TIAM2: variants seen among roughly 807,000 people sequenced by gnomAD.
TIAM2 encodes the protein rho guanine nucleotide exchange factor TIAM2.
A neutral mutation model predicts 152.9 loss-of-function variants in TIAM2; 80 were observed. That is an observed-to-expected ratio of 0.52 (90% CI 0.44 to 0.63). The LOEUF is 0.63. Among genes scored for constraint, TIAM2 ranks in the 30% least tolerant of loss-of-function variants. The pLI is 0.00. For missense variants in TIAM2, 1,965 were observed against 2,120.1 expected (o/e 0.93, Z 1.44); for synonymous variants, 804 against 838.0 (o/e 0.96, Z 0.70).
chr6:155,092,214 C>T (rs1778322740), intron 2 of TIAM2, among the ~76,000 whole-genome samples: 1 of 149,386 alleles, frequency 6.7e-6, no homozygotes, highest in Non-Finnish European at 1.5e-5. Context: ...CCTCCCACCT[C>T]AGCCTCCTGA....
Position 155,125,656 on chromosome 6 carries a change from C to T in TIAM2, c.-117-1834C>T, listed in dbSNP as rs140446849. Among the ~76,000 whole-genome samples the T allele has an allele frequency of 1.1e-3, 171 of 152,156 alleles. 2 individuals carry two copies. In the East Asian group the frequency reaches 0.031, roughly 27 times the overall value. On this transcript the variant is annotated intron_variant, in intron 2 of 26. Coordinates refer to ENST00000682666, the MANE Select transcript of TIAM2 (RefSeq NM_012454.4). ...AAGTTCGAGACCAGCCTGGCCAACA[C>T]GGTGAAGCCCTGTCTCTACTAAAAT...
chr6:154,996,335 A>AT (rs1482888098), intron 1 of TIAM2, among the ~76,000 whole-genome samples: 1 of 152,200 alleles, frequency 6.6e-6, no homozygotes, highest in Admixed American at 6.5e-5. Context: ...AGGCTGCTTG[A>AT]TTCCAAAGAT....
At chr6:155,092,565 T>G (rs982434967) in intron 2 of TIAM2, among the ~76,000 whole-genome samples, 3 of 152,076 alleles carry the variant, frequency 2.0e-5, no homozygotes, top group African/African-American at 7.2e-5. Flanking sequence ...AATATACAAA[T>G]TAGGTTTAAA....
rs537984882 is a variant in TIAM2 at position 155,179,310 on chromosome 6, T to C, written c.2629-68T>C. ...AGCTTTCTTGTTTTATGAAAAATAG[T>C]GTCAAAGTAATTTTTTGAGGTATCA... On this transcript the variant is annotated intron_variant, in intron 11 of 26. Coordinates refer to ENST00000682666, the MANE Select transcript of TIAM2 (RefSeq NM_012454.4). 1.1e-4 allele frequency: 172 copies of C among 1,532,890 alleles called. No individual in the cohort carries two copies. In the African/African-American group the frequency reaches 2.2e-3, roughly 20 times the overall value. 95.0% of individuals were successfully genotyped at this position (1,532,890 alleles called of 1,614,324 possible). A position where few individuals can be genotyped will look rare whatever the true frequency, so the allele number is the denominator to read the frequency against.
chr6:155,246,652 T>C (rs1232376594), intron 19 of TIAM2, among the ~76,000 whole-genome samples: 3 of 152,090 alleles, frequency 2.0e-5, no homozygotes, highest in African/African-American at 7.2e-5. Flanking sequence ...CACCTTTGTA[T>C]TGACAGTCTG....
At chr6:155,247,473 C>T (rs112783676) in intron 19 of TIAM2, among the ~76,000 whole-genome samples, 1 of 152,008 alleles carries the variant, frequency 6.6e-6, no homozygotes, top group Non-Finnish European at 1.5e-5. Flanking sequence ...GGATTAGAGG[C>T]GCCCACCACC....
At chr6:155,216,719 C>A in intron 15 of TIAM2, 1 of 219,436 alleles carries the variant, frequency 4.6e-6, no homozygotes, top group Non-Finnish European at 9.0e-6. Context: ...TCCCCACAGA[C>A]ATGCTGCCTG....
chr6:155,028,590 AATAT>A (rs1180353462), intron 1 of TIAM2, among the ~76,000 whole-genome samples: 1 of 134,598 alleles, frequency 7.4e-6, no homozygotes, highest in African/African-American at 2.8e-5. Flanking sequence ...TACTACATAT[AATAT>A]ATATACTGTG....
chr6:155,254,275 G>T, intron 25 of TIAM2, 144 bp from the exon 26 acceptor site: 1 of 1,104,496 alleles, frequency 9.1e-7, no homozygotes, highest in East Asian at 2.5e-5. Flanking sequence ...CCTTCTGTAC[G>T]GGAGGCCACA....
chr6:155,012,456 C>T (rs531708400), intron 1 of TIAM2, among the ~76,000 whole-genome samples: 10 of 152,292 alleles, frequency 6.6e-5, no homozygotes, highest in Admixed American at 2.0e-4. Context: ...AACCAACTTA[C>T]CAAACCCCAT....
intron 1 of TIAM2, among the ~76,000 whole-genome samples, chr6:155,004,228 T>C (rs921269434): frequency 3.9e-5 from 6 of 152,068 alleles, no homozygotes; most frequent in African/African-American, 1.4e-4. Context: ...CAAGACAAGA[T>C]GTTTGATTGG....
chr6:155,083,275 G>T (rs1778108465), intron 1 of TIAM2, among the ~76,000 whole-genome samples: 1 of 151,444 alleles, frequency 6.6e-6, no homozygotes, highest in African/African-American at 2.4e-5. Flanking sequence ...CTTGAACCCT[G>T]GAGGCAGAGG....
intron 14 of TIAM2, among the ~76,000 whole-genome samples, chr6:155,205,307 C>G (rs1781572459): frequency 6.8e-6 from 1 of 146,068 alleles, no homozygotes; most frequent in Non-Finnish European, 1.5e-5. Context: ...GGATTAATAT[C>G]ATGTTGAAAT....
intron 2 of TIAM2, among the ~76,000 whole-genome samples, chr6:155,099,038 T>C (rs1168979042): frequency 6.6e-6 from 1 of 152,024 alleles, no homozygotes; most frequent in Non-Finnish European, 1.5e-5. Context: ...AAATACAAAA[T>C]TAGTCGGGCG....
intron 6 of TIAM2, 107 bp downstream of exon 6, chr6:155,144,885 G>T: frequency 7.5e-7 from 1 of 1,332,620 alleles, no homozygotes; most frequent in Non-Finnish European, 1.0e-6. Context: ...TACTTAGTTA[G>T]GCTTTGGATT....
intron 7 of TIAM2, among the ~76,000 whole-genome samples, chr6:155,164,203 G>T (rs945883868): frequency 7.2e-6 from 1 of 138,388 alleles, no homozygotes; most frequent in Admixed American, 8.7e-5. Flanking sequence ...TCAAATGCCT[G>T]ACCTTCAGTG....
intron 1 of TIAM2, among the ~76,000 whole-genome samples, chr6:155,029,756 A>G (rs912066489): frequency 1.4e-5 from 2 of 144,918 alleles, no homozygotes; most frequent in Admixed American, 7.3e-5. Context: ...ATATATATAT[A>G]TGTAGAAAAA....
intron 1 of TIAM2, among the ~76,000 whole-genome samples, chr6:155,076,638 G>A (rs1777966213): frequency 6.6e-6 from 1 of 152,106 alleles, no homozygotes; most frequent in African/African-American, 2.4e-5. Flanking sequence ...TATAACGTAG[G>A]TCAAACCCTT....
intron 7 of TIAM2, among the ~76,000 whole-genome samples, chr6:155,161,780 G>A (rs1780279337): frequency 1.3e-5 from 2 of 150,786 alleles, no homozygotes; most frequent in African/African-American, 4.9e-5. Context: ...GTTTCACCAT[G>A]TTGGTCAGGC....
Sources: gnomAD v4.1 joint callset for allele counts (sites outside exome capture counted in the v4.1 genomes callset) on GRCh38, gnomAD v4.1.1 for gene constraint, MANE v1.5 for transcripts, NCBI Gene and HGNC (gene_info 2026-07-23, HGNC 2026-07-21) for gene names.